The following NOL4L variants were observed in gnomAD, a reference collection of about 807,000 sequenced individuals.
The protein encoded by NOL4L is nucleolar protein 4 like.
Under a neutral mutation model 64.5 loss-of-function variants are expected in NOL4L, and 7 were observed. That is an observed-to-expected ratio of 0.11 (90% CI 0.06 to 0.20). The LOEUF is 0.20. Among genes scored for constraint, NOL4L ranks in the 10% least tolerant of loss-of-function variants. The pLI is 1.00. For synonymous variants in NOL4L, 413 were observed against 401.0 expected (o/e 1.03, Z -0.36); for missense variants, 680 against 967.1 (o/e 0.70, Z 3.94).
At chr20:32,471,865 C>T (rs1049332303) in intron 5 of NOL4L, among the ~76,000 whole-genome samples, 10 of 152,208 alleles carry the variant, frequency 6.6e-5, no homozygotes, top group Non-Finnish European at 1.2e-4. Flanking sequence ...TCCCCCTTCA[C>T]CTTCTGCCAT....
At chr20:32,500,865 T>C (rs2016897045) in intron 4 of NOL4L, among the ~76,000 whole-genome samples, 1 of 152,326 alleles carries the variant, frequency 6.6e-6, no homozygotes, top group Non-Finnish European at 1.5e-5. Context: ...TGAAGAAGTA[T>C]TGAATGATCA....
At chr20:32,553,368 G>A (rs1978430067) in intron 1 of NOL4L, among the ~76,000 whole-genome samples, 1 of 152,046 alleles carries the variant, frequency 6.6e-6, no homozygotes, top group Non-Finnish European at 1.5e-5. Context: ...CCTTCTCCTG[G>A]CGCTACTCAC....
intron 5 of NOL4L, among the ~76,000 whole-genome samples, chr20:32,470,275 G>C (rs751656250): frequency 3.9e-5 from 6 of 152,254 alleles, no homozygotes; most frequent in Non-Finnish European, 7.3e-5. Flanking sequence ...AGCACATCCA[G>C]GGGAAACGGA....
chr20:32,570,070 A>T (rs1376328921), intron 1 of NOL4L, among the ~76,000 whole-genome samples: 2 of 152,082 alleles, frequency 1.3e-5, no homozygotes, highest in Non-Finnish European at 2.9e-5. Context: ...AACCCCAAAC[A>T]GCAGGTTCTA....
chr20:32,550,848 A>G (rs980498041), intron 1 of NOL4L, among the ~76,000 whole-genome samples: 2 of 151,306 alleles, frequency 1.3e-5, no homozygotes, highest in African/African-American at 2.4e-5. Context: ...CCACCACTGC[A>G]CTCCAGCCTG....
At chr20:32,451,837 T>A (rs2012939896) in intron 10 of NOL4L, 1 of 158,458 alleles carries the variant, frequency 6.3e-6, no homozygotes, top group Non-Finnish European at 1.4e-5. Flanking sequence ...CCTCAGTCGC[T>A]ATGGGTGAGA....
chr20:32,576,439 G>A (rs375622519), intron 1 of NOL4L, among the ~76,000 whole-genome samples: 8 of 152,210 alleles, frequency 5.3e-5, no homozygotes, highest in Non-Finnish European at 1.0e-4. Context: ...AGGTGTGGCC[G>A]AGGAAGGGGA....
At chr20:32,480,555 C>A (rs1349195812) in intron 4 of NOL4L, among the ~76,000 whole-genome samples, 2 of 152,202 alleles carry the variant, frequency 1.3e-5, no homozygotes, top group Non-Finnish European at 2.9e-5. Flanking sequence ...TTCTGGACAC[C>A]TGTAGGCCCC....
intron 5 of NOL4L, among the ~76,000 whole-genome samples, chr20:32,466,797 G>A (rs1274778677): frequency 6.6e-6 from 1 of 152,210 alleles, no homozygotes; most frequent in Non-Finnish European, 1.5e-5. Context: ...CACTGCAAGA[G>A]AAGCCTTTCA....
chr20:32,454,216 A>T (rs972162330), intron 6 of NOL4L: 2 of 175,880 alleles, frequency 1.1e-5, no homozygotes, highest in African/African-American at 4.7e-5. Flanking sequence ...CCCCAAGTTG[A>T]CAACCGAGCT....
At chr20:32,465,543 G>A (rs920388736) in intron 5 of NOL4L, among the ~76,000 whole-genome samples, 1 of 152,222 alleles carries the variant, frequency 6.6e-6, no homozygotes, top group Non-Finnish European at 1.5e-5. Context: ...CGTCCTCCAG[G>A]CCAAGCACAG....
rs766670086 is a variant in NOL4L at position 32,474,643 on chromosome 20, C to G, written c.799G>C (p.Glu267Gln). The G allele has an allele frequency of 1.2e-6, 2 of 1,613,740 alleles. No homozygotes were observed. Among genetic ancestry groups the G allele is most frequent in the Non-Finnish European group, 1.7e-6 (2 of 1,179,932 alleles). ...AGGTTCTGCGGGCTCCGCATCCTCT[C>G]GTCCTGGCTGGGGCTCAGGCTGGAG... Reference protein sequence around the residue: ...LASSLSPSQDERMRSPQNLHS... With the variant: ...LASSLSPSQDQRMRSPQNLHS... Residue 267 changes from glutamate to glutamine, a missense_variant, in exon 5 of 11, where the codon GAG (glutamate) becomes CAG (glutamine). By Grantham distance (29) the Glu-to-Gln change is conservative (BLOSUM62 2). Around this residue, in one of 4 missense-constraint regions of NOL4L, gnomAD observed 254 missense variants for 238.7 expected, o/e 1.06. Transcript: ENST00000621426.
chr20:32,579,136 C>T (rs1043712445), intron 1 of NOL4L, among the ~76,000 whole-genome samples: 1 of 152,244 alleles, frequency 6.6e-6, no homozygotes, highest in Non-Finnish European at 1.5e-5. Flanking sequence ...CCAGATCTCA[C>T]ATGAGTGCAA....
chr20:32,565,937 AG>A, intron 1 of NOL4L, among the ~76,000 whole-genome samples: 1 of 152,176 alleles, frequency 6.6e-6, no homozygotes, highest in East Asian at 1.9e-4. Context: ...CTGTAGTGCC[AG>A]CCACTCGGGA....
Position 32,517,378 on chromosome 20 carries a change from G to A in NOL4L, c.589+3433C>T, listed in dbSNP as rs140396357. Among the ~76,000 whole-genome samples, 454 of 152,338 alleles carry A rather than the reference G, an allele frequency of 3.0e-3. 3 individuals carry two copies. The highest frequency in any genetic ancestry group is 0.022 in the South Asian group (105 of 4,832). On this transcript the variant is annotated intron_variant, in intron 3 of 10. Coordinates refer to ENST00000621426, the MANE Select transcript of NOL4L (RefSeq NM_001256798.2). ...CCAGCAGCTGGAGAGGGAGAAGGGA[G>A]GGCTGGCAATGCAGGGGTGCCTGGG...
At chr20:32,451,007 G>A (rs775802441) in intron 10 of NOL4L, among the ~76,000 whole-genome samples, 3 of 152,158 alleles carry the variant, frequency 2.0e-5, no homozygotes, top group Non-Finnish European at 4.4e-5. Flanking sequence ...GGGTCAAGGC[G>A]AGTGGAGGCA....
chr20:32,573,629 C>G, intron 1 of NOL4L: 1 of 214,328 alleles, frequency 4.7e-6, no homozygotes. Flanking sequence ...TCCCATTTTA[C>G]AGATGAGGAA....
chr20:32,481,493 G>C (rs1231843829), intron 4 of NOL4L, among the ~76,000 whole-genome samples: 1 of 152,162 alleles, frequency 6.6e-6, no homozygotes, highest in Non-Finnish European at 1.5e-5. Flanking sequence ...CCCCAGGGTA[G>C]GGGCCGCAGG....
In NOL4L at chr20:32,494,252, G is replaced by GAAAAAA. The variant is rs1568654908; in HGVS notation, c.699+17094_699+17095insTTTTTT. Among the ~76,000 whole-genome samples the GAAAAAA allele has an allele frequency of 1.6e-3, 42 of 27,094 alleles. 1 individual carries two copies. The highest frequency in any genetic ancestry group is 6.2e-3 in the African/African-American group (40 of 6,482). 17.8% of individuals were successfully genotyped at this position (27,094 alleles called of 152,430 possible). A position where few individuals can be genotyped will look rare whatever the true frequency, so the allele number is the denominator to read the frequency against. On this transcript the variant is annotated intron_variant, in intron 4 of 10. Transcript: ENST00000621426. ...TGGGCCACAGAGTGAGATAATCTCG[G>GAAAAAA]GAAAAAAAAAAAAAAAAAAAAAAAA...
Sources: allele counts gnomAD v4.1 joint callset (sites outside exome capture counted in the v4.1 genomes callset), GRCh38; gene constraint gnomAD v4.1.1; regional missense constraint gnomAD v4.1.1; transcripts MANE v1.5; gene names NCBI Gene and HGNC (gene_info 2026-07-23, HGNC 2026-07-21).